Variants in ZMYM3 observed in about 807,000 individuals in gnomAD.
ZMYM3 encodes zinc finger MYM-type containing 3.
In ZMYM3, 6 loss-of-function variants were observed where a neutral mutation model predicts 94.2. The ratio of observed to expected loss-of-function variants is 0.06; its 90% confidence interval spans 0.03 to 0.13. The LOEUF (loss-of-function observed/expected upper bound fraction) is 0.13, where lower values mean the gene tolerates loss of function less well. Among genes scored for constraint, ZMYM3 ranks in the 10% least tolerant of loss-of-function variants. The pLI is 1.00. For synonymous variants in ZMYM3, 420 were observed against 426.5 expected, an observed-to-expected ratio of 0.98 and a Z score of 0.19; for missense variants, 664 against 1,132.6, an observed-to-expected ratio of 0.59 and a Z score of 5.94.
intron 8 of ZMYM3, 58 bp downstream of exon 8, chrX:71,248,961 G>A: frequency 8.4e-7 from 1 of 1,197,204 alleles, no homozygotes; most frequent in Non-Finnish European, 1.1e-6. Flanking sequence ...GAAGAGGGGA[G>A]TATGGGAGGT....
intron 22 of ZMYM3, 117 bp downstream of exon 22, chrX:71,242,853 G>A (rs2030003826): frequency 7.6e-6 from 5 of 659,736 alleles, no homozygotes; most frequent in Non-Finnish European, 1.2e-5. Context: ...CCAGCTACAC[G>A]CTCCTGCCCT....
rs191260406 is a variant in ZMYM3, at chrX:71,250,729, G to A, written c.779-3C>T. ...AGAATCCTCATCTGACACTGGAACT[G>A]AGAAAGTGGGGGGATGGACATGAGA... On this transcript the variant is annotated splice_region_variant and splice_polypyrimidine_tract_variant and intron_variant, in intron 4 of 24. Coordinates refer to ENST00000314425, the MANE Select transcript of ZMYM3 (RefSeq NM_201599.3). 165 of 1,182,442 alleles carry A rather than the reference G, an allele frequency of 1.4e-4. No homozygotes were observed. In the African/African-American group the frequency reaches 2.5e-3, roughly 18 times the overall value.
chrX:71,248,994 T>A, intron 8 of ZMYM3, 25 bp downstream of exon 8: 1 of 1,209,592 alleles, frequency 8.3e-7, no homozygotes, highest in Non-Finnish European at 1.1e-6. Flanking sequence ...AGCAGGGGAC[T>A]CAGAGAAGAG....
chrX:71,249,722 C>T (rs2030361201), intron 6 of ZMYM3, 43 bp from the exon 7 acceptor site: 2 of 1,184,854 alleles, frequency 1.7e-6, no homozygotes, highest in South Asian at 3.8e-5. Context: ...GCCTGGCCAC[C>T]ACCGCCCACC....
chrX:71,251,586 G>T lies in ZMYM3; in HGVS notation c.683C>A (p.Ala228Glu). 1 of 1,191,646 alleles carries T rather than the reference G, an allele frequency of 8.4e-7. No homozygotes were observed. The highest frequency in any genetic ancestry group is 1.1e-6 in the Non-Finnish European group (1 of 885,597). Reference protein sequence around the residue: ...HPSLPGDGLTAKASEKPPERK... With the variant: ...HPSLPGDGLTEKASEKPPERK... ...TTCAGGCGGCTTCTCACTCGCCTTC[G>T]CAGTCAGGCCATCTCCTGCAAAGGA... Residue 228 changes from alanine to glutamate, a missense_variant, in exon 3 of 25, where the codon GCG (alanine) becomes GAG (glutamate). Physicochemically the swap from Ala to Glu is moderately radical, Grantham distance 107. Coordinates refer to ENST00000314425, the MANE Select transcript of ZMYM3 (RefSeq NM_201599.3).
intron 6 of ZMYM3, 48 bp from the exon 7 acceptor site, chrX:71,249,727 C>T: frequency 8.5e-7 from 1 of 1,181,641 alleles, no homozygotes; most frequent in Non-Finnish European, 1.1e-6. Flanking sequence ...GCCACCACCG[C>T]CCACCCCAAT....
At chrX:71,247,653 T>C in intron 12 of ZMYM3, 81 bp downstream of exon 12, 2 of 1,155,996 alleles carry the variant, frequency 1.7e-6, no homozygotes, top group Non-Finnish European at 1.2e-6. Flanking sequence ...TGGAGATCTG[T>C]CCACACCCCG....
At chrX:71,241,717 G>A (rs1602356872) in intron 23 of ZMYM3, among the ~76,000 whole-genome samples, 1 of 111,768 alleles carries the variant, frequency 8.9e-6, no homozygotes, top group East Asian at 2.8e-4. Flanking sequence ...CATTAGTCCA[G>A]GTAGAAGCAT....
Position 71,246,479 on chromosome X carries a change from G to GGGGGGGGGGGGGGGGA in ZMYM3, c.2445_2446insTCCCCCCCCCCCCCCC (p.Pro816SerfsTer26). 3.0e-6 allele frequency: 1 copy of GGGGGGGGGGGGGGGGA among 333,492 alleles called. No individual in the cohort carries two copies. Among genetic ancestry groups the GGGGGGGGGGGGGGGGA allele is most frequent in the Non-Finnish European group, 5.6e-6 (1 of 178,524 alleles). 27.5% of individuals were successfully genotyped at this position (333,492 alleles called of 1,213,427 possible). A position where few individuals can be genotyped will look rare whatever the true frequency, so the allele number is the denominator to read the frequency against. ...GGGGGTGGTGGGGGTGGAGGGGTGG[G>GGGGGGGGGGGGGGGGA]AGCAGTGGGAGCTGATCGGGTCTTC... On this transcript the variant is annotated frameshift_variant, in exon 15 of 25. Transcript: ENST00000314425. LOFTEE classifies it high-confidence loss of function.
chrX:71,250,875 G>C, intron 4 of ZMYM3, 149 bp from the exon 5 acceptor site: 8 of 602,969 alleles, frequency 1.3e-5, no homozygotes, highest in Non-Finnish European at 1.8e-5. Context: ...TAAGACCTTG[G>C]TGTCTCTCTC....
intron 21 of ZMYM3, 53 bp downstream of exon 21, chrX:71,243,776 C>T (rs924180027): frequency 1.7e-6 from 2 of 1,194,440 alleles, no homozygotes; most frequent in African/African-American, 3.5e-5. Flanking sequence ...TCTGTTTAGA[C>T]CCTGCCTGCT....
At position 71,247,265 on chromosome X, in the gene ZMYM3, G is replaced by C; in HGVS notation, c.2314+80C>G. On this transcript the variant is annotated intron_variant, in intron 13 of 24. Transcript: ENST00000314425. ...GGCCAGGGGTGAGCTGAACGCAAGA[G>C]GAAGGAGAAAGGGGCTAGGCTTAGG... The C allele has an allele frequency of 3.0e-6, 3 of 998,786 alleles. No homozygotes were observed. The South Asian group carries it at 7.0e-5, about 23-fold the overall frequency. The allele number at this position is 998,786 out of a possible 1,213,427, so 82.3% of individuals were successfully genotyped here. A position where few individuals can be genotyped will look rare whatever the true frequency, so the allele number is the denominator to read the frequency against.
In ZMYM3 at chrX:71,240,937, A is replaced by G; in HGVS notation, c.4092T>C (p.Pro1364=). 1 of 1,211,106 alleles carries G rather than the reference A, an allele frequency of 8.3e-7. No individual in the cohort carries two copies. The highest frequency in any genetic ancestry group is 1.1e-6 in the Non-Finnish European group (1 of 895,089). The change falls in exon 25 of 25, where the codon CCT becomes CCC. Residue 1364 remains proline, a synonymous_variant. Coordinates refer to ENST00000314425, the MANE Select transcript of ZMYM3 (RefSeq NM_201599.3). The part of the protein sequence containing the change: ...VREIYEELGR[P]GEEDLD ...GAGCTCAGTCCAGGTCTTCCTCCCC[A>G]GGACGACCCAGTTCCTCATAAATCT...
intron 6 of ZMYM3, 118 bp downstream of exon 6, chrX:71,249,908 G>A: frequency 9.5e-7 from 1 of 1,053,701 alleles, no homozygotes; most frequent in Non-Finnish European, 1.2e-6. Flanking sequence ...CCCTCATGAT[G>A]GCCGCCTTTC....
intron 23 of ZMYM3, among the ~76,000 whole-genome samples, chrX:71,241,608 T>C (rs2029950903): frequency 9.0e-6 from 1 of 111,338 alleles, no homozygotes; most frequent in Non-Finnish European, 1.9e-5. Context: ...GAAGAGGTGA[T>C]CTCAGAAGTT....
At chrX:71,243,480 T>C (rs1250481372) in intron 21 of ZMYM3, 11 of 270,618 alleles carry the variant, frequency 4.1e-5, no homozygotes, top group Non-Finnish European at 5.8e-5. Context: ...CCAACGGTCC[T>C]GGAATGCAGT....
rs111434077 is a variant in ZMYM3, at chrX:71,241,207, C to T, written c.3920+20G>A. On this transcript the variant is annotated intron_variant, in intron 24 of 24. Transcript: ENST00000314425. ...TCGGGTCCCCATGCTAACGCTTTTC[C>T]TGCCAACCCACCAACTCACCATTTT... is the stretch of plus-strand genomic sequence containing the variant. The T allele has an allele frequency of 8.4e-7, 1 of 1,192,591 alleles. No homozygotes were observed. Among genetic ancestry groups the T allele is most frequent in the Admixed American group, 2.2e-5 (1 of 45,058 alleles).
In ZMYM3 at chrX:71,248,555, G is replaced by A. The variant is rs750852424; in HGVS notation, c.1738-31C>T. ...GGGAAGGAAGACAAGTAAGGGAGGG[G>A]CAAGATGTGTGCAGCGGTGGGGAAG... On this transcript the variant is annotated intron_variant, in intron 9 of 24. Transcript: ENST00000314425. 29 of 1,197,022 alleles carry A rather than the reference G, an allele frequency of 2.4e-5. No homozygotes were observed. In the South Asian group the frequency reaches 4.7e-4, roughly 19 times the overall value.
intron 22 of ZMYM3, 57 bp downstream of exon 22, chrX:71,242,913 T>C (rs1056524825): frequency 9.3e-7 from 1 of 1,069,596 alleles, no homozygotes; most frequent in Admixed American, 2.2e-5. Flanking sequence ...ACTCTCGGGA[T>C]GGTGGATTGG....
Sources: allele counts gnomAD v4.1 joint callset (sites outside exome capture counted in the v4.1 genomes callset), GRCh38; gene constraint gnomAD v4.1.1; transcripts MANE v1.5; gene names NCBI Gene and HGNC (gene_info 2026-07-23, HGNC 2026-07-21).